The following PCDH15 variants were observed in gnomAD, a reference collection of about 807,000 sequenced individuals.
The protein encoded by PCDH15 is protocadherin related 15, also known as protocadherin-15.
Under a neutral mutation model 178.5 loss-of-function variants are expected in PCDH15, and 129 were observed. The ratio of observed to expected loss-of-function variants is 0.72; its 90% CI spans 0.63 to 0.84. PCDH15 has a LOEUF of 0.84. Among genes scored for constraint, PCDH15 ranks in the 40% least tolerant of loss-of-function variants. PCDH15 has a pLI of 0.00. For missense variants in PCDH15, 2,230 were observed against 2,099.9 expected (o/e 1.06, Z -1.21); for synonymous variants, 800 against 732.0 (o/e 1.09, Z -1.50).
At chr10:53,985,977 A>G (rs895723176) in intron 21 of PCDH15, among the ~76,000 whole-genome samples, 1 of 152,296 alleles carries the variant, frequency 6.6e-6, no homozygotes. Flanking sequence ...CATCACAGCA[A>G]CCCTATAAAG....
chr10:54,059,477 ATTTC>A (rs1454769189), intron 18 of PCDH15, among the ~76,000 whole-genome samples: 2 of 152,162 alleles, frequency 1.3e-5, no homozygotes, highest in Non-Finnish European at 2.9e-5. Context: ...AACACATAAT[ATTTC>A]TTTATCTCCC....
chr10:53,862,181 A>T (rs2079148641), intron 27 of PCDH15, among the ~76,000 whole-genome samples: 1 of 151,914 alleles, frequency 6.6e-6, no homozygotes, highest in Admixed American at 6.6e-5. Context: ...TCTCCCGAGT[A>T]TCTGGGATTA....
intron 2 of PCDH15, among the ~76,000 whole-genome samples, chr10:55,576,293 G>A (rs1842495991): frequency 6.6e-6 from 1 of 152,166 alleles, no homozygotes; most frequent in Non-Finnish European, 1.5e-5. Context: ...AATAATGTAT[G>A]TGCTGATAAT....
At chr10:54,954,788 G>A (rs1288164685) in intron 2 of PCDH15, among the ~76,000 whole-genome samples, 1 of 151,076 alleles carries the variant, frequency 6.6e-6, no homozygotes, top group Non-Finnish European at 1.5e-5. Flanking sequence ...AAAGTTTGTT[G>A]GGACTATAAA....
At chr10:54,649,752 A>G (rs1248769294) in intron 2 of PCDH15, among the ~76,000 whole-genome samples, 1 of 152,150 alleles carries the variant, frequency 6.6e-6, no homozygotes, top group Non-Finnish European at 1.5e-5. Flanking sequence ...GATGCAAAAA[A>G]GGTACACTGT....
At chr10:54,309,658 T>C (rs1465560389) in intron 8 of PCDH15, among the ~76,000 whole-genome samples, 1 of 151,808 alleles carries the variant, frequency 6.6e-6, no homozygotes, top group Non-Finnish European at 1.5e-5. Flanking sequence ...TAGCCGGGTG[T>C]GGTGGCACAT....
intron 14 of PCDH15, among the ~76,000 whole-genome samples, chr10:54,143,553 G>C (rs1251382292): frequency 6.6e-6 from 1 of 152,116 alleles, no homozygotes; most frequent in African/African-American, 2.4e-5. Flanking sequence ...CTAATTGAAA[G>C]GCTGATGTGT....
chr10:54,876,906 A>G (rs901796594), intron 3 of PCDH15, among the ~76,000 whole-genome samples: 2 of 152,216 alleles, frequency 1.3e-5, no homozygotes, highest in African/African-American at 4.8e-5. Flanking sequence ...TTTTGAAAGA[A>G]GTCCTGTTTT....
At chr10:55,179,132 T>C (rs1822761) in intron 1 of PCDH15, among the ~76,000 whole-genome samples, 94,908 of 151,980 alleles carry the variant, frequency 0.62, 30,159 homozygotes, top group East Asian at 0.68. Context: ...AATGATCATG[T>C]AAATGGAGCC....
intron 21 of PCDH15, among the ~76,000 whole-genome samples, chr10:53,962,201 C>T (rs1401847636): frequency 2.0e-5 from 3 of 152,124 alleles, no homozygotes; most frequent in Non-Finnish European, 2.9e-5. Context: ...CCTCCCAAAA[C>T]ACCCAATATC....
intron 2 of PCDH15, among the ~76,000 whole-genome samples, chr10:54,918,113 T>A (rs1837390108): frequency 7.4e-6 from 1 of 135,174 alleles, no homozygotes. Context: ...GCAAAATGCA[T>A]TTTTTTCTTG....
intron 2 of PCDH15, among the ~76,000 whole-genome samples, chr10:55,627,221 A>G (rs750223426): frequency 1.3e-5 from 2 of 151,950 alleles, no homozygotes; most frequent in Non-Finnish European, 2.9e-5. Flanking sequence ...GCATGGGGAA[A>G]ACTTTTGGGG....
At chr10:53,960,024 A>C (rs961841001) in intron 22 of PCDH15, among the ~76,000 whole-genome samples, 180 bp from the exon 23 acceptor site, 13 of 152,186 alleles carry the variant, frequency 8.5e-5, no homozygotes, top group African/African-American at 3.1e-4. Context: ...GTTCTCACTT[A>C]ATCTTTACAA....
chr10:55,257,620 T>A lies in PCDH15; in HGVS notation c.-156+61979A>T, dbSNP rs567629062. ...ATTCAATCAACTGGAAGAAAAGGTA[T>A]CAGTGATGGAAGATCAAATGAATGA... On this transcript the variant is annotated intron_variant, in intron 1 of 5. Coordinates refer to the PCDH15 transcript ENST00000458638. Among the ~76,000 whole-genome samples, 6 of 152,152 alleles carry A rather than the reference T, an allele frequency of 3.9e-5. No homozygotes were observed. In the South Asian group the frequency reaches 1.2e-3, roughly 32 times the overall value.
chr10:54,750,086 C>T (rs1163956350), intron 1 of PCDH15, among the ~76,000 whole-genome samples: 5 of 151,988 alleles, frequency 3.3e-5, no homozygotes, highest in African/African-American at 1.2e-4. Context: ...ATGAAGCGCC[C>T]TTGCTCTGTC....
At chr10:55,003,034 G>A in intron 2 of PCDH15, among the ~76,000 whole-genome samples, 1 of 152,032 alleles carries the variant, frequency 6.6e-6, no homozygotes, top group East Asian at 1.9e-4. Context: ...TGTGTTCCAG[G>A]ATTGTATGAG....
intron 2 of PCDH15, among the ~76,000 whole-genome samples, chr10:54,617,273 T>A (rs2093194505): frequency 6.6e-6 from 1 of 151,578 alleles, no homozygotes; most frequent in East Asian, 2.0e-4. Context: ...ATGGTAGCCA[T>A]TGAGCAACCA....
At chr10:54,674,894 T>G (rs1231573994) in intron 1 of PCDH15, among the ~76,000 whole-genome samples, 1 of 152,106 alleles carries the variant, frequency 6.6e-6, no homozygotes, top group Non-Finnish European at 1.5e-5. Flanking sequence ...GATATTACAA[T>G]TAGTTGGTTC....
chr10:54,383,619 A>ATATGTGTGTGTG (rs1554943458), intron 3 of PCDH15, among the ~76,000 whole-genome samples: 1 of 23,824 alleles, frequency 4.2e-5, no homozygotes, highest in Non-Finnish European at 1.1e-4. Flanking sequence ...CATGCCGTGT[A>ATATGTGTGTGTG]TGTGTGTTTT....
Sources: allele counts gnomAD v4.1 joint callset (sites outside exome capture counted in the v4.1 genomes callset), GRCh38; gene constraint gnomAD v4.1.1; transcripts MANE v1.5; gene names NCBI Gene and HGNC (gene_info 2026-07-23, HGNC 2026-07-21).